Variants in ALK observed in about 807,000 individuals in gnomAD.
ALK encodes ALK receptor tyrosine kinase, also known as ALK tyrosine kinase receptor.
Under a neutral mutation model 163.1 loss-of-function variants are expected in ALK, and 74 were observed. That is an observed-to-expected ratio of 0.45 (90% CI 0.38 to 0.55). ALK has a LOEUF of 0.55. Among genes scored for constraint, ALK ranks in the 20% least tolerant of loss-of-function variants. The pLI, the probability that ALK is intolerant of heterozygous loss-of-function variation, is 0.00. For missense variants in ALK, 2,063 were observed against 2,105.3 expected (o/e 0.98, Z 0.39); for synonymous variants, 960 against 843.2 (o/e 1.14, Z -2.40).
intron 1 of ALK, among the ~76,000 whole-genome samples, chr2:29,862,251 T>C (rs767011057): frequency 3.2e-4 from 49 of 152,182 alleles, no homozygotes; most frequent in South Asian, 8.3e-4. Flanking sequence ...CTATTCAATG[T>C]AGTACTGGAA....
Position 29,275,163 on chromosome 2 carries a change from G to T in ALK, c.1977C>A (p.Asn659Lys), listed in dbSNP as rs780562062. The T allele has an allele frequency of 6.2e-7, 1 of 1,614,022 alleles. No individual in the cohort carries two copies. Among genetic ancestry groups the T allele is most frequent in the African/African-American group, 1.3e-5 (1 of 74,910 alleles). Residue 659 changes from asparagine (N) to lysine (K), a missense_variant, in exon 11 of 29, where the codon AAC becomes AAA. Physicochemically the swap from Asn to Lys is moderately conservative, Grantham distance 94. This residue lies in a region of ALK where 987 missense variants were observed against 939.5 expected (regional missense o/e 1.05). Coordinates refer to ENST00000389048, the MANE Select transcript of ALK (RefSeq NM_004304.5). The part of the protein sequence containing the change: ...APKSRNLFER[N>K]PNKELKPGEN... Reference sequence around the variant, plus strand: ...CCCCGGGTTTCAGCTCCTTGTTTGGGTTTCTCTCAAACAGGTTTCTTGATT... The same window carrying T: ...CCCCGGGTTTCAGCTCCTTGTTTGGTTTTCTCTCAAACAGGTTTCTTGATT...
Position 29,239,814 on chromosome 2 carries a change from C to G in ALK, c.2221G>C (p.Ala741Pro). ...TDTYSISGYG[A>P]AGGKGGKNTM... is the part of the protein sequence containing the mutation. ...TTCTTCCCGCCTTTCCCGCCAGCAGCTCCGTAGCCCGAGATGCTGCAATGG... is the reference window on the plus strand; with the variant it reads ...TTCTTCCCGCCTTTCCCGCCAGCAGGTCCGTAGCCCGAGATGCTGCAATGG... The change falls in exon 13 of 29, where the codon GCT (alanine) becomes CCT (proline). Residue 741 changes from alanine (A) to proline (P), a missense_variant. Physicochemically the swap from Ala to Pro is conservative, Grantham distance 27. Transcript: ENST00000389048. 1 of 1,613,760 alleles carries G rather than the reference C, an allele frequency of 6.2e-7. No homozygotes were observed. The highest frequency in any genetic ancestry group is 1.1e-5 in the South Asian group (1 of 91,080).
chr2:29,401,614 G>A (rs1294956328), intron 4 of ALK, among the ~76,000 whole-genome samples: 1 of 152,156 alleles, frequency 6.6e-6, no homozygotes, highest in African/African-American at 2.4e-5. Context: ...CTCCTGGAGA[G>A]AGGAGACTCC....
intron 3 of ALK, among the ~76,000 whole-genome samples, chr2:29,554,775 G>C (rs1351956132): frequency 6.6e-6 from 1 of 152,156 alleles, no homozygotes; most frequent in African/African-American, 2.4e-5. Context: ...CACAGGATGA[G>C]ATAGGAGGTC....
chr2:29,812,311 C>G (rs558102360), intron 1 of ALK, among the ~76,000 whole-genome samples: 1 of 152,248 alleles, frequency 6.6e-6, no homozygotes, highest in African/African-American at 2.4e-5. Context: ...GAGGTAAGCT[C>G]TGCTCTGTAG....
At chr2:29,507,319 G>A (rs1371602443) in intron 4 of ALK, among the ~76,000 whole-genome samples, 1 of 152,182 alleles carries the variant, frequency 6.6e-6, no homozygotes, top group East Asian at 1.9e-4. Context: ...GGTACCTAGA[G>A]TAGTCAAATT....
chr2:29,892,618 G>C (rs1021418254), intron 1 of ALK, among the ~76,000 whole-genome samples: 1 of 152,150 alleles, frequency 6.6e-6, no homozygotes, highest in Non-Finnish European at 1.5e-5. Context: ...GTTCTATAGA[G>C]AAAATCTGAA....
At chr2:29,907,964 T>G (rs902378773) in intron 1 of ALK, among the ~76,000 whole-genome samples, 6 of 152,208 alleles carry the variant, frequency 3.9e-5, no homozygotes, top group African/African-American at 1.2e-4. Context: ...CCTTCTCATT[T>G]GTTCCTCTTA....
chr2:29,374,404 A>C (rs1428360476), intron 5 of ALK, among the ~76,000 whole-genome samples: 1 of 152,130 alleles, frequency 6.6e-6, no homozygotes, highest in Non-Finnish European at 1.5e-5. Context: ...ACATTGGAAT[A>C]AGCAAACCTT....
At chr2:29,397,710 A>G (rs1669344136) in intron 4 of ALK, among the ~76,000 whole-genome samples, 1 of 152,180 alleles carries the variant, frequency 6.6e-6, no homozygotes, top group Admixed American at 6.5e-5. Context: ...ATTGTACAGA[A>G]CATTTTTCTA....
At position 29,547,309 on chromosome 2, in the gene ALK, A is replaced by C. The variant is rs577315508; in HGVS notation, c.953-15193T>G. Among the ~76,000 whole-genome samples the C allele has an allele frequency of 4.5e-4, 69 of 152,306 alleles. 1 individual carries two copies. The South Asian group carries it at 0.014, about 31-fold the overall frequency. Reference sequence around the variant, plus strand: ...TACAGATTAAAACAGAAATTCCATAATACGGGGCCAGGCGAGGTGGCTCAT... The same window carrying C: ...TACAGATTAAAACAGAAATTCCATACTACGGGGCCAGGCGAGGTGGCTCAT... On this transcript the variant is annotated intron_variant, in intron 3 of 28. Coordinates refer to ENST00000389048, the MANE Select transcript of ALK (RefSeq NM_004304.5).
intron 2 of ALK, among the ~76,000 whole-genome samples, chr2:29,716,588 G>A (rs1394761424): frequency 6.6e-6 from 1 of 152,200 alleles, no homozygotes; most frequent in Non-Finnish European, 1.5e-5. Flanking sequence ...CGGGTGGGTA[G>A]GTGGTACCTG....
chr2:29,232,312 C>T lies in ALK; in HGVS notation c.2624G>A (p.Gly875Glu), dbSNP rs374375387. The change falls in exon 15 of 29, where the codon GGA becomes GAA. Residue 875 changes from glycine to glutamate, a missense_variant. By Grantham distance (98) the Gly-to-Glu change is moderately conservative. Coordinates refer to ENST00000389048, the MANE Select transcript of ALK (RefSeq NM_004304.5). Reference protein sequence around the residue: ...SSVLGLNGNSGAAGGGGGWND... With the variant: ...SSVLGLNGNSEAAGGGGGWND... ...CGCTTGCAGCGCTTTACCTGCGGCT[C>T]CGGAATTGCCGTTTAGCCCTAGAAC... 3.7e-6 allele frequency: 6 copies of T among 1,614,108 alleles called. No homozygotes were observed. The highest frequency in any genetic ancestry group is 5.1e-6 in the Non-Finnish European group (6 of 1,180,054).
intron 13 of ALK, among the ~76,000 whole-genome samples, chr2:29,235,081 G>C (rs1664332969): frequency 6.6e-6 from 1 of 152,228 alleles, no homozygotes; most frequent in Admixed American, 6.5e-5. Context: ...AGGTATTAGA[G>C]AGTCCCCAGG....
intron 3 of ALK, among the ~76,000 whole-genome samples, chr2:29,640,472 C>T (rs1449779603): frequency 6.6e-6 from 1 of 152,176 alleles, no homozygotes; most frequent in Non-Finnish European, 1.5e-5. Context: ...GTGCCTGCTT[C>T]CCCTCTGCCT....
At chr2:29,750,477 A>G (rs1188053175) in intron 1 of ALK, among the ~76,000 whole-genome samples, 3 of 152,184 alleles carry the variant, frequency 2.0e-5, no homozygotes, top group Non-Finnish European at 2.9e-5. Context: ...AGCCTGGGCA[A>G]CATAGTGAGA....
intron 4 of ALK, among the ~76,000 whole-genome samples, chr2:29,500,952 G>T (rs1672159664): frequency 6.6e-6 from 1 of 152,094 alleles, no homozygotes; most frequent in South Asian, 2.1e-4. Context: ...GCATATTCTT[G>T]TCTTCCCACT....
At chr2:29,876,878 A>T (rs901397926) in intron 1 of ALK, among the ~76,000 whole-genome samples, 4 of 152,070 alleles carry the variant, frequency 2.6e-5, no homozygotes, top group African/African-American at 9.7e-5. Context: ...GTGTTTGTAG[A>T]TCCCACCTTT....
At chr2:29,798,814 C>T (rs544061849) in intron 1 of ALK, among the ~76,000 whole-genome samples, 1 of 152,074 alleles carries the variant, frequency 6.6e-6, no homozygotes, top group South Asian at 2.1e-4. Flanking sequence ...AGGACTCTGA[C>T]CGTTCTGGAG....
Sources: gnomAD v4.1 joint callset for allele counts (sites outside exome capture counted in the v4.1 genomes callset) on GRCh38, gnomAD v4.1.1 for gene constraint, gnomAD v4.1.1 regional missense constraint, MANE v1.5 for transcripts, NCBI Gene and HGNC (gene_info 2026-07-23, HGNC 2026-07-21) for gene names.